The following ATP1A1 variants were observed in gnomAD, a reference collection of about 807,000 sequenced individuals.
ATP1A1 encodes the protein sodium/potassium-transporting ATPase subunit alpha-1.
In ATP1A1, 14 loss-of-function variants were observed where a neutral mutation model predicts 114.8. That is an observed-to-expected ratio of 0.12 (90% CI 0.08 to 0.19). The LOEUF (loss-of-function observed/expected upper bound fraction) is 0.19. ATP1A1 is among the 10% of genes least tolerant of loss of function. The probability of loss-of-function intolerance (pLI) is 1.00; values close to 1 mark genes in which losing one functional copy is unlikely to be tolerated. For missense variants in ATP1A1, 524 were observed against 1,290.7 expected (o/e 0.41, Z 9.10); for synonymous variants, 471 against 466.3 (o/e 1.01, Z -0.13).
At chr1:116,379,176 G>A (rs1651574629) in intron 1 of ATP1A1, among the ~76,000 whole-genome samples, 2 of 152,202 alleles carry the variant, frequency 1.3e-5, no homozygotes, top group Admixed American at 1.3e-4. Context: ...CTTTTGGGTT[G>A]AGGGAACCTG....
At chr1:116,390,703 G>A (rs1232201015) in intron 9 of ATP1A1, 79 bp from the exon 10 acceptor site, 1 of 1,189,904 alleles carries the variant, frequency 8.4e-7, no homozygotes. Flanking sequence ...ATTTCTATGG[G>A]ACTTTAATAG....
rs182315290 is a variant in ATP1A1, at chr1:116,395,330, G to A, written c.1836+45G>A. ...TTGGCTTCATCTCTTAGTGCCTTGGGACACCCTACTCAGTGAATGTTGCCT... is the reference window on the plus strand; with the variant it reads ...TTGGCTTCATCTCTTAGTGCCTTGGAACACCCTACTCAGTGAATGTTGCCT... On this transcript the variant is annotated intron_variant, in intron 13 of 22. Coordinates refer to ENST00000295598, the MANE Select transcript of ATP1A1 (RefSeq NM_000701.8). The surrounding 1 kb of genome is among the most constrained non-coding windows in gnomAD (Gnocchi z 6.4). The A allele has an allele frequency of 5.4e-5, 87 of 1,600,910 alleles. No individual in the cohort carries two copies. The East Asian group carries it at 1.7e-3, about 32-fold the overall frequency.
chr1:116,374,078 G>T (rs1351197023), intron 1 of ATP1A1: 7 of 1,416,260 alleles, frequency 4.9e-6, no homozygotes, highest in Non-Finnish European at 5.6e-6. Context: ...GGCAGCCTCC[G>T]GGTTCGGGGC....
chr1:116,396,209 C>T (rs1355257451), intron 13 of ATP1A1, among the ~76,000 whole-genome samples: 1 of 151,514 alleles, frequency 6.6e-6, no homozygotes, highest in African/African-American at 2.4e-5. Flanking sequence ...CCAAGTTGTG[C>T]CAATTTGAGA....
intron 1 of ATP1A1, among the ~76,000 whole-genome samples, chr1:116,374,907 A>C (rs114789546): frequency 0.016 from 2,487 of 152,242 alleles, 46 homozygotes; most frequent in Middle Eastern, 0.044. Flanking sequence ...CCTGGTGGGG[A>C]GAACAGGCAC....
chr1:116,388,344 A>T lies in ATP1A1; in HGVS notation c.501+100A>T, dbSNP rs931930193. On this transcript the variant is annotated intron_variant, in intron 5 of 22. Coordinates refer to ENST00000295598, the MANE Select transcript of ATP1A1 (RefSeq NM_000701.8). This position sits in a 1 kb window ranked among gnomAD's most constrained non-coding sequence, Gnocchi z 5.6. ...GTTAAGGTTTTCCAAGTATTACATGACTCATCAGAGAGATGGATGTCTTCT... is the reference window on the plus strand; with the variant it reads ...GTTAAGGTTTTCCAAGTATTACATGTCTCATCAGAGAGATGGATGTCTTCT... 9.1e-7 allele frequency: 1 copy of T among 1,102,424 alleles called. No individual in the cohort carries two copies. The highest frequency in any genetic ancestry group is 1.3e-6 in the Non-Finnish European group (1 of 746,636). The allele number at this position is 1,102,424 out of a possible 1,614,324, so 68.3% of individuals were successfully genotyped here. A position where few individuals can be genotyped will look rare whatever the true frequency, so the allele number is the denominator to read the frequency against.
intron 13 of ATP1A1, 84 bp from the exon 14 acceptor site, chr1:116,396,514 G>T: frequency 6.6e-7 from 1 of 1,513,816 alleles, no homozygotes; most frequent in Non-Finnish European, 9.0e-7. Context: ...ATCATCCTTA[G>T]TATTTACTCT....
rs914145484 is a variant in ATP1A1 at position 116,404,230 on chromosome 1, A to G, written c.3044-186A>G. ...GTGAAAACTTGTCAGAATCTAAACC[A>G]TCTTTCCAGGTAACTTGGTATTCCT... On this transcript the variant is annotated intron_variant, in intron 22 of 22. Transcript: ENST00000295598. This position sits in a 1 kb window ranked among gnomAD's most constrained non-coding sequence, Gnocchi z 4.8. Among the ~76,000 whole-genome samples, 1 of 152,250 alleles carries G rather than the reference A, an allele frequency of 6.6e-6. No individual in the cohort carries two copies. Among genetic ancestry groups the G allele is most frequent in the Non-Finnish European group, 1.5e-5 (1 of 68,030 alleles).
At position 116,381,246 on chromosome 1, in the gene ATP1A1, A is replaced by G. The variant is rs1407131008; in HGVS notation, c.13-2768A>G. 6.6e-6 allele frequency among the ~76,000 whole-genome samples: 1 copy of G among 152,220 alleles called. No homozygotes were observed. The highest frequency in any genetic ancestry group is 2.4e-5 in the African/African-American group (1 of 41,450). ...GACCTTTGTTTTTCCCTAATGCCTT[A>G]AAAAATAATAAGGAAACATTGTCCT... is the stretch of plus-strand genomic sequence containing the variant. On this transcript the variant is annotated intron_variant, in intron 1 of 22. Transcript: ENST00000295598. This position sits in a 1 kb window ranked among gnomAD's most constrained non-coding sequence, Gnocchi z 5.1.
intron 1 of ATP1A1, 122 bp downstream of exon 1, chr1:116,373,645 G>T: frequency 8.6e-7 from 1 of 1,161,218 alleles, no homozygotes; most frequent in South Asian, 1.9e-5. Context: ...CGCGTGGAGT[G>T]GGCTGGCAGA....
chr1:116,380,727 T>C (rs1651689508), intron 1 of ATP1A1, among the ~76,000 whole-genome samples: 1 of 152,200 alleles, frequency 6.6e-6, no homozygotes, highest in South Asian at 2.1e-4. Context: ...TGGTTCCTCC[T>C]GTCAAGAATT....
In ATP1A1 at chr1:116,398,316, G is replaced by A. The variant is rs1190401119; in HGVS notation, c.2124+278G>A. ...GGGTCCTAGTATTTGCAATAGAGAT[G>A]TGAGTGGTCAGACTACAGGGCGTGC... is the stretch of plus-strand genomic sequence containing the variant. On this transcript the variant is annotated intron_variant, in intron 15 of 22. Transcript: ENST00000295598. This position sits in a 1 kb window ranked among gnomAD's most constrained non-coding sequence, Gnocchi z 6.1. Among the ~76,000 whole-genome samples, 3 of 152,158 alleles carry A rather than the reference G, an allele frequency of 2.0e-5. No homozygotes were observed. In the South Asian group the frequency reaches 6.2e-4, roughly 31 times the overall value.
rs940435898 is a variant in ATP1A1, at chr1:116,389,436, A to C, written c.755-3A>C. 1.4e-5 allele frequency: 23 copies of C among 1,613,228 alleles called. No individual in the cohort carries two copies. The highest frequency in any genetic ancestry group is 8.0e-5 in the African/African-American group (6 of 74,848). ...TACAGTTCTCCCTCCCCTTCTTTTT[A>C]AGGCACCGCACGTGGTATTGTTGTC... On this transcript the variant is annotated splice_polypyrimidine_tract_variant and splice_region_variant and intron_variant, in intron 7 of 22. Transcript: ENST00000295598. The surrounding 1 kb of genome is among the most constrained non-coding windows in gnomAD (Gnocchi z 6.9).
intron 10 of ATP1A1, among the ~76,000 whole-genome samples, chr1:116,391,876 C>T (rs531759477): frequency 6.6e-6 from 1 of 152,258 alleles, no homozygotes; most frequent in South Asian, 2.1e-4. Context: ...AGCTGTATTC[C>T]AAGTATTTCT....
intron 3 of ATP1A1, among the ~76,000 whole-genome samples, chr1:116,386,383 T>C (rs1454243259): frequency 3.3e-5 from 5 of 152,110 alleles, no homozygotes. Flanking sequence ...GGTCTATTTC[T>C]TTACTTATAA....
chr1:116,398,091 G>A lies in ATP1A1; in HGVS notation c.2124+53G>A, dbSNP rs1002688907. 3.2e-5 allele frequency: 51 copies of A among 1,600,356 alleles called. No individual in the cohort carries two copies. Among genetic ancestry groups the A allele is most frequent in the Non-Finnish European group, 4.1e-5 (48 of 1,172,722 alleles). The stretch of plus-strand genomic sequence containing the variant: ...TTGGGCACTATTGGCTTTAGGGATT[G>A]GAGTTCCAGTGGAAACAGAGCAACG... On this transcript the variant is annotated intron_variant, in intron 15 of 22. Transcript: ENST00000295598. The surrounding 1 kb of genome is among the most constrained non-coding windows in gnomAD (Gnocchi z 6.1).
chr1:116,373,960 C>T, intron 1 of ATP1A1: 1 of 1,355,342 alleles, frequency 7.4e-7, no homozygotes. Context: ...CCTTTTCCCT[C>T]CGCCCTCCGT....
intron 1 of ATP1A1, among the ~76,000 whole-genome samples, chr1:116,375,358 G>A (rs1485413309): frequency 6.6e-6 from 1 of 152,126 alleles, no homozygotes; most frequent in Admixed American, 6.5e-5. Flanking sequence ...GATGAAACGG[G>A]GTATTTGTGA....
chr1:116,373,632 C>T (rs1651139615), intron 1 of ATP1A1, 109 bp downstream of exon 1: 5 of 1,197,896 alleles, frequency 4.2e-6, no homozygotes, highest in Middle Eastern at 2.5e-4. Flanking sequence ...GAGGAAGCGG[C>T]GCCGCGTGGA....
Sources: gnomAD v4.1 joint callset for allele counts (sites outside exome capture counted in the v4.1 genomes callset) on GRCh38, gnomAD v4.1.1 for gene constraint, Gnocchi (gnomAD v3.1) non-coding constraint, MANE v1.5 for transcripts, NCBI Gene and HGNC (gene_info 2026-07-23, HGNC 2026-07-21) for gene names.